Variants in ATXN2 observed in about 807,000 individuals in gnomAD.
The protein encoded by ATXN2 is ataxin-2.
In ATXN2, 37 loss-of-function variants were observed where a neutral mutation model predicts 138.6. The ratio of observed to expected loss-of-function variants is 0.27; its 90% confidence interval spans 0.21 to 0.35. ATXN2 has a LOEUF of 0.35. Ranked by LOEUF, ATXN2 falls within the 10% of genes least tolerant of loss-of-function variation. The pLI is 1.00. For synonymous variants in ATXN2, 549 were observed against 543.7 expected, an observed-to-expected ratio of 1.01 and a Z score of -0.13; for missense variants, 1,216 against 1,480.3, an observed-to-expected ratio of 0.82 and a Z score of 2.93.
chr12:111,453,183 T>G lies in ATXN2; in HGVS notation c.3440-343A>C. 1 of 1,128,080 alleles carries G rather than the reference T, an allele frequency of 8.9e-7. No homozygotes were observed. The highest frequency in any genetic ancestry group is 1.1e-6 in the Non-Finnish European group (1 of 920,294). The allele number at this position is 1,128,080 out of a possible 1,614,324, so 69.9% of individuals were successfully genotyped here. On this transcript the variant is annotated intron_variant, in intron 24 of 24. Transcript: ENST00000673436. The surrounding 1 kb of genome is among the most constrained non-coding windows in gnomAD (Gnocchi z 5.4). ...CTGTGAAGTATCGCCATGGCAGCCA[T>G]CAAGTAGTAGAGCACAATCACAGGG... is the stretch of plus-strand genomic sequence containing the variant.
upstream of ATXN2, chr12:111,599,426 G>T: frequency 8.5e-7 from 1 of 1,181,750 alleles, no homozygotes; most frequent in South Asian, 4.2e-5. Context: ...CCGCTGGAGC[G>T]AGCGCCACCC....
chr12:111,510,128 T>A (rs1592847458), intron 12 of ATXN2, 130 bp from the exon 13 acceptor site: 2 of 760,222 alleles, frequency 2.6e-6, no homozygotes, highest in Non-Finnish European at 4.1e-6. Context: ...CTTTTTTTCC[T>A]TTGCAGATGT....
intron 1 of ATXN2, among the ~76,000 whole-genome samples, chr12:111,588,288 A>G (rs1415561382): frequency 6.6e-6 from 1 of 152,190 alleles, no homozygotes; most frequent in African/African-American, 2.4e-5. Context: ...AATCTATGTA[A>G]GAATCTTTAA....
chr12:111,461,516 T>A lies in ATXN2; in HGVS notation c.2896+3146A>T, dbSNP rs140699264. On this transcript the variant is annotated intron_variant, in intron 21 of 24. Transcript: ENST00000673436. Reference sequence around the variant, plus strand: ...AAATAAATAAATAATAATAATAAATTGGGAGAAATGTGAAACTTATACTTT... The same window carrying A: ...AAATAAATAAATAATAATAATAAATAGGGAGAAATGTGAAACTTATACTTT... Among the ~76,000 whole-genome samples, 482 of 151,450 alleles carry A rather than the reference T, an allele frequency of 3.2e-3. 3 individuals carry two copies. Among genetic ancestry groups the A allele is most frequent in the Middle Eastern group, 0.02 (6 of 294 alleles).
In ATXN2 at chr12:111,455,940, T is replaced by G. The variant is rs1565999862; in HGVS notation, c.3270+89A>C. 3 of 1,257,714 alleles carry G rather than the reference T, an allele frequency of 2.4e-6. No individual in the cohort carries two copies. The East Asian group carries it at 6.9e-5, about 29-fold the overall frequency. 77.9% of individuals were successfully genotyped at this position (1,257,714 alleles called of 1,614,324 possible). A position where few individuals can be genotyped will look rare whatever the true frequency, so the allele number is the denominator to read the frequency against. ...CAGGCAAATGGCATGACACACAGGG[T>G]TTCCTAGCTGGGAGAGCCTCTAGCT... On this transcript the variant is annotated intron_variant, in intron 23 of 24. Coordinates refer to ENST00000673436, the MANE Select transcript of ATXN2 (RefSeq NM_001372574.1).
intron 21 of ATXN2, among the ~76,000 whole-genome samples, chr12:111,460,038 TA>T (rs1875447519): frequency 6.6e-6 from 1 of 152,156 alleles, no homozygotes; most frequent in African/African-American, 2.4e-5. Context: ...TTTTGAATAA[TA>T]AAAAAGCCAC....
intron 5 of ATXN2, among the ~76,000 whole-genome samples, chr12:111,544,070 C>G (rs1235329352): frequency 6.6e-6 from 1 of 151,806 alleles, no homozygotes; most frequent in Non-Finnish European, 1.5e-5. Context: ...GAGCATGACC[C>G]TGTTTCTTTA....
At chr12:111,507,269 C>A (rs1341167478) in intron 14 of ATXN2, among the ~76,000 whole-genome samples, 4 of 149,974 alleles carry the variant, frequency 2.7e-5, no homozygotes, top group Non-Finnish European at 5.9e-5. Flanking sequence ...AGCGCCTCTG[C>A]CCCGCTGCCC....
At chr12:111,458,070 TG>T (rs1294819872) in intron 21 of ATXN2, 1 of 152,226 alleles carries the variant, frequency 6.6e-6, no homozygotes, top group African/African-American at 2.4e-5. Flanking sequence ...AGATAAGAAC[TG>T]AAAGCCAGTT....
chr12:111,473,602 T>C (rs1191356707), intron 18 of ATXN2, among the ~76,000 whole-genome samples: 1 of 152,034 alleles, frequency 6.6e-6, no homozygotes. Context: ...ACAATTATCA[T>C]CAATGGCTGC....
intron 18 of ATXN2, chr12:111,482,939 G>T (rs1877352829): frequency 6.6e-6 from 1 of 151,988 alleles, no homozygotes; most frequent in African/African-American, 2.4e-5. Flanking sequence ...CTGGGCGCAG[G>T]CACTTTGGGA....
At chr12:111,523,106 C>A (rs976508542) in intron 6 of ATXN2, among the ~76,000 whole-genome samples, 1 of 151,404 alleles carries the variant, frequency 6.6e-6, no homozygotes, top group Non-Finnish European at 1.5e-5. Flanking sequence ...TGGTGAAACC[C>A]CTTCTCTACT....
chr12:111,479,046 TA>T (rs1243504567), intron 18 of ATXN2: 1 of 375,958 alleles, frequency 2.7e-6, no homozygotes, highest in Non-Finnish European at 4.7e-6. Context: ...ATAAATTTTT[TA>T]AAAAAATGAA....
At chr12:111,577,191 G>A (rs1883714545) in intron 1 of ATXN2, among the ~76,000 whole-genome samples, 1 of 152,064 alleles carries the variant, frequency 6.6e-6, no homozygotes, top group African/African-American at 2.4e-5. Flanking sequence ...AAATCTAGAA[G>A]GAAGATAATG....
chr12:111,598,954 C>CTGCTGCTGCTGCTGCTGCTGCTGT lies in ATXN2; in HGVS notation c.57_80dup (p.Gln21_Gln28dup), dbSNP rs751287394. 2.7e-5 allele frequency: 19 copies of CTGCTGCTGCTGCTGCTGCTGCTGT among 701,812 alleles called. No individual in the cohort carries two copies. Among genetic ancestry groups the CTGCTGCTGCTGCTGCTGCTGCTGT allele is most frequent in the Non-Finnish European group, 3.4e-5 (16 of 476,798 alleles). 43.5% of individuals were successfully genotyped at this position (701,812 alleles called of 1,614,324 possible). A position where few individuals can be genotyped will look rare whatever the true frequency, so the allele number is the denominator to read the frequency against. On this transcript the variant is annotated inframe_insertion, in exon 1 of 25. Coordinates refer to ENST00000673436, the MANE Select transcript of ATXN2 (RefSeq NM_001372574.1). This position sits in a 1 kb window ranked among gnomAD's most constrained non-coding sequence, Gnocchi z 4.5. Reference sequence around the variant, plus strand: ...CATTGGCAGCCGCGGGCGGCGGCTGCTGCTGCTGCTGCTGCTGCTGCTGTT... The same window carrying CTGCTGCTGCTGCTGCTGCTGCTGT: ...CATTGGCAGCCGCGGGCGGCGGCTGCTGCTGCTGCTGCTGCTGCTGCTGTTGCTGCTGCTGCTGCTGCTGCTGTT...
In ATXN2 at chr12:111,598,468, G is replaced by T. The variant is rs1313147478; in HGVS notation, c.251+316C>A. 2 of 985,150 alleles carry T rather than the reference G, an allele frequency of 2.0e-6. No individual in the cohort carries two copies. The highest frequency in any genetic ancestry group is 2.4e-6 in the Non-Finnish European group (2 of 829,964). 61.0% of individuals were successfully genotyped at this position (985,150 alleles called of 1,614,324 possible). A position where few individuals can be genotyped will look rare whatever the true frequency, so the allele number is the denominator to read the frequency against. On this transcript the variant is annotated intron_variant, in intron 1 of 24. Transcript: ENST00000673436. This position sits in a 1 kb window ranked among gnomAD's most constrained non-coding sequence, Gnocchi z 4.5. ...GGATCGTGCGGAAGGGGGAGCCGGG[G>T]CTGACCATCGCCGCTACCCGAGAAC...
Position 111,515,022 on chromosome 12 carries a change from GACT to G in ATXN2, c.1375+1129_1375+1131del, listed in dbSNP as rs553916232. Among the ~76,000 whole-genome samples, 939 of 152,058 alleles carry G rather than the reference GACT, an allele frequency of 6.2e-3. 9 individuals are homozygous for G. The highest frequency in any genetic ancestry group is 0.018 in the Admixed American group (272 of 15,256). ...ATAAACATCGCTTACTCAAATGATG[GACT>G]ACAAGAAAAATATCAACAGAATTTT... is the stretch of plus-strand genomic sequence containing the variant. On this transcript the variant is annotated intron_variant, in intron 10 of 24. Transcript: ENST00000673436.
At chr12:111,530,836 T>C (rs969540643) in intron 5 of ATXN2, among the ~76,000 whole-genome samples, 5 of 150,426 alleles carry the variant, frequency 3.3e-5, no homozygotes, top group Admixed American at 2.7e-4. Flanking sequence ...AACAAAAAAA[T>C]GTGTATAGGC....
chr12:111,587,073 C>CAAAAAAAA (rs374631048), intron 1 of ATXN2, among the ~76,000 whole-genome samples: 1 of 112,886 alleles, frequency 8.9e-6, no homozygotes. Flanking sequence ...CCATTTCTAC[C>CAAAAAAAA]AAAAAAAAAA....
Sources: gnomAD v4.1 joint callset for allele counts (sites outside exome capture counted in the v4.1 genomes callset) on GRCh38, gnomAD v4.1.1 for gene constraint, Gnocchi (gnomAD v3.1) non-coding constraint, MANE v1.5 for transcripts, NCBI Gene and HGNC (gene_info 2026-07-23, HGNC 2026-07-21) for gene names.